DAB1: variants seen among roughly 807,000 people sequenced by gnomAD.
DAB1 encodes the protein disabled homolog 1.
DAB1 carries 15 observed loss-of-function variants against 64.6 expected under a neutral mutation model. The observed-to-expected ratio is 0.23, with a 90% CI of 0.16 to 0.36. The LOEUF (loss-of-function observed/expected upper bound fraction) is 0.36, where lower values mean the gene tolerates loss of function less well. DAB1 is among the 10% of genes least tolerant of loss of function. The pLI is 1.00. For missense variants in DAB1, 596 were observed against 706.7 expected (o/e 0.84, Z 1.78); for synonymous variants, 235 against 251.9 (o/e 0.93, Z 0.64).
intron 4 of DAB1, among the ~76,000 whole-genome samples, chr1:58,242,425 A>G (rs1660339256): frequency 6.6e-6 from 1 of 152,120 alleles, no homozygotes; most frequent in Non-Finnish European, 1.5e-5. Context: ...AGCTGCCTAC[A>G]TAATAAAGCA....
At position 58,391,826 on chromosome 1, in the gene DAB1, A is replaced by G. The variant is rs974219858; in HGVS notation, n.258-48423T>C. On this transcript the variant is annotated intron_variant and non_coding_transcript_variant, in intron 3 of 20. Coordinates refer to the DAB1 transcript ENST00000485760. ...CCCCATCCCACATCAATCAAGATTC[A>G]ATCAGGAAAGCTGAAACTCTGTGAA... Among the ~76,000 whole-genome samples the G allele has an allele frequency of 2.0e-5, 3 of 152,330 alleles. No individual in the cohort carries two copies. In the South Asian group the frequency reaches 6.2e-4, roughly 32 times the overall value.
chr1:58,488,708 C>T (rs1645619943), intron 3 of DAB1, among the ~76,000 whole-genome samples: 1 of 152,178 alleles, frequency 6.6e-6, no homozygotes, highest in Admixed American at 6.5e-5. Context: ...CCTCGGCCTC[C>T]AAAAGTGCTG....
chr1:57,214,776 T>A (rs1206563213), intron 2 of DAB1, among the ~76,000 whole-genome samples: 1 of 151,328 alleles, frequency 6.6e-6, no homozygotes, highest in African/African-American at 2.4e-5. Flanking sequence ...CCAGACGTGG[T>A]GGCGGGCACC....
chr1:57,472,290 C>T (rs972084848), intron 7 of DAB1, among the ~76,000 whole-genome samples: 1 of 152,214 alleles, frequency 6.6e-6, no homozygotes, highest in African/African-American at 2.4e-5. Flanking sequence ...CATGGAGGGT[C>T]ATTCCAGAAG....
At chr1:57,288,476 T>C (rs1672509555) in intron 2 of DAB1, among the ~76,000 whole-genome samples, 1 of 152,092 alleles carries the variant, frequency 6.6e-6, no homozygotes, top group Non-Finnish European at 1.5e-5. Flanking sequence ...GTGGGGCTCT[T>C]GTGATGGGAA....
At chr1:57,999,725 T>C (rs1570200729) in intron 5 of DAB1, among the ~76,000 whole-genome samples, 1 of 152,190 alleles carries the variant, frequency 6.6e-6, no homozygotes, top group African/African-American at 2.4e-5. Flanking sequence ...AGCCCAAATG[T>C]CAGTAGTGCT....
At chr1:57,324,938 C>G (rs1341564738) in intron 1 of DAB1, among the ~76,000 whole-genome samples, 3 of 152,250 alleles carry the variant, frequency 2.0e-5, no homozygotes, top group Non-Finnish European at 4.4e-5. Flanking sequence ...TCCCTGAGAA[C>G]TGCTCAAGAG....
chr1:57,430,909 A>G (rs200975663), intron 7 of DAB1, among the ~76,000 whole-genome samples: 1 of 518 alleles, frequency 1.9e-3, no homozygotes, highest in Non-Finnish European at 9.3e-3. Flanking sequence ...GCAGAGAAAG[A>G]AAAAAAAAAA....
At chr1:57,759,545 C>G (rs555233999) in intron 6 of DAB1, among the ~76,000 whole-genome samples, 20 of 152,142 alleles carry the variant, frequency 1.3e-4, no homozygotes, top group South Asian at 4.1e-4. Context: ...CAAAATAGAC[C>G]TATGCAGTGC....
rs1006564530 is a variant in DAB1, at chr1:57,780,761, C to CT, written n.551+103237dup. Among the ~76,000 whole-genome samples the CT allele has an allele frequency of 4.8e-3, 651 of 135,008 alleles. 5 individuals carry two copies. The highest frequency in any genetic ancestry group is 0.016 in the African/African-American group (573 of 35,930). 88.6% of individuals were successfully genotyped at this position (135,008 alleles called of 152,430 possible). ...CTTTTCTTTCTTTTTTTTCTTTTTT[C>CT]TTTTTTTTTTGAGACAGAGTCTCAC... is the stretch of plus-strand genomic sequence containing the variant. On this transcript the variant is annotated intron_variant and non_coding_transcript_variant, in intron 6 of 20. Coordinates refer to the DAB1 transcript ENST00000485760.
intron 3 of DAB1, among the ~76,000 whole-genome samples, chr1:58,395,802 C>T (rs1457055726): frequency 1.3e-5 from 2 of 152,134 alleles, no homozygotes; most frequent in Non-Finnish European, 2.9e-5. Context: ...CTCCTTGGAG[C>T]TTGGTGCTGG....
chr1:57,146,002 T>C (rs1292768258), intron 2 of DAB1, among the ~76,000 whole-genome samples: 2 of 152,144 alleles, frequency 1.3e-5, no homozygotes, highest in African/African-American at 4.8e-5. Context: ...TGCAGGAAAA[T>C]AGGCTTCCAC....
At chr1:58,538,928 G>A in intron 1 of DAB1, 1 of 872,916 alleles carries the variant, frequency 1.1e-6, no homozygotes, top group Non-Finnish European at 2.0e-6. Context: ...CTTAGAGGAT[G>A]CAATACTGAC....
At chr1:57,312,872 C>T (rs532030388) in intron 1 of DAB1, among the ~76,000 whole-genome samples, 15 of 152,096 alleles carry the variant, frequency 9.9e-5, no homozygotes, top group Non-Finnish European at 2.2e-4. Context: ...CTCAGAGTTC[C>T]AGGGGGACGG....
At chr1:57,709,855 A>G (rs548013168) in intron 6 of DAB1, among the ~76,000 whole-genome samples, 19 of 152,136 alleles carry the variant, frequency 1.2e-4, no homozygotes, top group Non-Finnish European at 2.2e-4. Flanking sequence ...ACAAAAGGGA[A>G]GATGGAGCCT....
intron 7 of DAB1, among the ~76,000 whole-genome samples, chr1:57,448,425 A>G (rs1177115786): frequency 6.6e-6 from 1 of 152,228 alleles, no homozygotes; most frequent in Non-Finnish European, 1.5e-5. Context: ...CTTCCCTACT[A>G]GGCAATAATC....
intron 2 of DAB1, among the ~76,000 whole-genome samples, chr1:57,147,473 T>A (rs1021841116): frequency 1.3e-5 from 2 of 152,084 alleles, no homozygotes; most frequent in African/African-American, 4.8e-5. Context: ...TGACTCCTCA[T>A]ATATTAAAGC....
At chr1:57,752,205 A>C (rs1648588940) in intron 6 of DAB1, among the ~76,000 whole-genome samples, 1 of 152,258 alleles carries the variant, frequency 6.6e-6, no homozygotes, top group African/African-American at 2.4e-5. Flanking sequence ...AATGGAGAGT[A>C]TATTTTTATT....
intron 3 of DAB1, among the ~76,000 whole-genome samples, chr1:58,497,953 C>T (rs1645832483): frequency 6.6e-6 from 1 of 152,270 alleles, no homozygotes; most frequent in East Asian, 1.9e-4. Flanking sequence ...TAAAAAGCTT[C>T]CATTTCCCTC....
Sources: gnomAD v4.1 joint callset for allele counts (sites outside exome capture counted in the v4.1 genomes callset) on GRCh38, gnomAD v4.1.1 for gene constraint, MANE v1.5 for transcripts, NCBI Gene and HGNC (gene_info 2026-07-23, HGNC 2026-07-21) for gene names.